The following GALNT13 variants were observed in gnomAD, a reference collection of about 807,000 sequenced individuals.
GALNT13 encodes UDP-GalNAc:polypeptide N-acetylgalactosaminyltransferase 13.
A neutral mutation model predicts 64.2 loss-of-function variants in GALNT13; 28 were observed. The observed-to-expected ratio is 0.44, with a 90% CI of 0.32 to 0.60. The LOEUF is 0.60. GALNT13 is among the 20% of genes least tolerant of loss of function. The pLI is 0.05. For synonymous variants in GALNT13, 214 were observed against 224.6 expected (o/e 0.95, Z 0.42); for missense variants, 577 against 669.8 (o/e 0.86, Z 1.53).
intron 4 of GALNT13, among the ~76,000 whole-genome samples, chr2:154,176,434 A>G (rs953556244): frequency 5.9e-5 from 9 of 151,650 alleles, no homozygotes; most frequent in Non-Finnish European, 1.2e-4. Context: ...TTGTATTTTT[A>G]GTAGAGACGG....
intron 3 of GALNT13, among the ~76,000 whole-genome samples, chr2:154,075,915 A>G (rs1700965232): frequency 6.6e-6 from 1 of 151,686 alleles, no homozygotes; most frequent in Non-Finnish European, 1.5e-5. Context: ...TACACATTAC[A>G]TATATATACA....
intron 4 of GALNT13, among the ~76,000 whole-genome samples, chr2:154,187,492 A>G (rs1346262878): frequency 6.6e-6 from 1 of 151,330 alleles, no homozygotes; most frequent in Non-Finnish European, 1.5e-5. Flanking sequence ...TTAATATATC[A>G]CTGTTCACCT....
the GALNT13 span, among the ~76,000 whole-genome samples, chr2:153,747,123 G>T: frequency 2.3e-4 from 35 of 152,160 alleles, no homozygotes; most frequent in African/African-American, 7.2e-4. Context: ...TACATGAGAT[G>T]TTTTGATACA....
chr2:154,042,893 G>A (rs535962453), intron 3 of GALNT13, among the ~76,000 whole-genome samples: 16 of 151,982 alleles, frequency 1.1e-4, no homozygotes, highest in Non-Finnish European at 1.6e-4. Context: ...TTAGTCTGGC[G>A]GGAAGGCATT....
intron 3 of GALNT13, among the ~76,000 whole-genome samples, chr2:154,023,499 A>G (rs890043694): frequency 3.9e-5 from 6 of 152,098 alleles, no homozygotes; most frequent in African/African-American, 1.4e-4. Context: ...CTGTTTTATG[A>G]GAGACTAGGA....
the GALNT13 span, among the ~76,000 whole-genome samples, chr2:153,838,000 G>C: frequency 2.0e-4 from 30 of 151,936 alleles, no homozygotes; most frequent in East Asian, 5.2e-3. Context: ...GTTTTGATTT[G>C]CAATTCTTTG....
the GALNT13 span, among the ~76,000 whole-genome samples, chr2:153,483,747 T>C: frequency 6.6e-6 from 1 of 152,188 alleles, no homozygotes; most frequent in East Asian, 1.9e-4. Flanking sequence ...TGTTACAACA[T>C]GTATGAACCT....
chr2:153,439,865 G>A, the GALNT13 span, among the ~76,000 whole-genome samples: 1 of 152,114 alleles, frequency 6.6e-6, no homozygotes, highest in African/African-American at 2.4e-5. Context: ...AGATGAACCC[G>A]GTACCTCAGT....
At chr2:153,469,938 C>T in the GALNT13 span, among the ~76,000 whole-genome samples, 2 of 151,984 alleles carry the variant, frequency 1.3e-5, no homozygotes, top group Middle Eastern at 3.4e-3. Context: ...CAATACCTGC[C>T]CCAGAAATTC....
chr2:153,698,858 G>A, the GALNT13 span, among the ~76,000 whole-genome samples: 19 of 152,288 alleles, frequency 1.2e-4, no homozygotes, highest in African/African-American at 4.6e-4. Flanking sequence ...CTCAGCAAAT[G>A]CAAAAGAACT....
chr2:153,812,916 A>G, the GALNT13 span, among the ~76,000 whole-genome samples: 2 of 152,238 alleles, frequency 1.3e-5, no homozygotes, highest in Non-Finnish European at 2.9e-5. Context: ...TTACAAAATT[A>G]GCTGAACCAT....
At chr2:153,780,108 G>A in the GALNT13 span, among the ~76,000 whole-genome samples, 8 of 151,194 alleles carry the variant, frequency 5.3e-5, no homozygotes, top group East Asian at 2.0e-4. Context: ...TAGCCTGCAC[G>A]TTTTCTCTCT....
intron 1 of GALNT13, among the ~76,000 whole-genome samples, chr2:153,884,672 A>G (rs1387035680): frequency 6.6e-6 from 1 of 150,650 alleles, no homozygotes; most frequent in Non-Finnish European, 1.5e-5. Flanking sequence ...TAATCCCAGC[A>G]CTTTTGGAGG....
At chr2:154,331,184 A>G (rs1695148326) in intron 9 of GALNT13, among the ~76,000 whole-genome samples, 1 of 152,170 alleles carries the variant, frequency 6.6e-6, no homozygotes, top group African/African-American at 2.4e-5. Flanking sequence ...ATGAGATAAA[A>G]GTAATACAAG....
At chr2:154,203,510 C>G (rs1206041562) in intron 4 of GALNT13, among the ~76,000 whole-genome samples, 1 of 152,056 alleles carries the variant, frequency 6.6e-6, no homozygotes. Flanking sequence ...CAATTTTTTT[C>G]ACTATAAAAC....
At chr2:153,449,390 G>A in the GALNT13 span, among the ~76,000 whole-genome samples, 1 of 151,960 alleles carries the variant, frequency 6.6e-6, no homozygotes, top group Non-Finnish European at 1.5e-5. Flanking sequence ...CATAACTCCA[G>A]TCCCTCAAAG....
the GALNT13 span, among the ~76,000 whole-genome samples, chr2:153,212,716 A>G: frequency 6.6e-6 from 1 of 152,156 alleles, no homozygotes. Flanking sequence ...TTGGCTTTCT[A>G]TGGTGGGAAT....
chr2:154,031,196 A>G (rs963569713), intron 3 of GALNT13, among the ~76,000 whole-genome samples: 1 of 152,130 alleles, frequency 6.6e-6, no homozygotes, highest in African/African-American at 2.4e-5. Context: ...ATTAAACAAT[A>G]TAACATTTGG....
chr2:153,484,925 T>G, the GALNT13 span, among the ~76,000 whole-genome samples: 9 of 152,312 alleles, frequency 5.9e-5, no homozygotes, highest in African/African-American at 2.2e-4. Context: ...ACTGAGATTT[T>G]GCTTTGGTCA....
Sources: gnomAD v4.1 joint callset for allele counts (sites outside exome capture counted in the v4.1 genomes callset) on GRCh38, gnomAD v4.1.1 for gene constraint, MANE v1.5 for transcripts, NCBI Gene and HGNC (gene_info 2026-07-23, HGNC 2026-07-21) for gene names.